Variants in CYP46A1 observed in about 807,000 individuals in gnomAD.
CYP46A1 encodes the protein cytochrome P450 family 46 subfamily A member 1.
Under a neutral mutation model 63.3 loss-of-function variants are expected in CYP46A1, and 20 were observed. The observed-to-expected ratio is 0.32, with a 90% CI of 0.22 to 0.46. CYP46A1 has a LOEUF of 0.46. CYP46A1 is among the 20% of genes least tolerant of loss of function. The pLI, the probability that CYP46A1 is intolerant of heterozygous loss-of-function variation, is 1.00. For missense variants in CYP46A1, 445 were observed against 670.8 expected, an observed-to-expected ratio of 0.66 and a Z score of 3.72; for synonymous variants, 268 against 273.6, an observed-to-expected ratio of 0.98 and a Z score of 0.20.
chr14:99,721,811 C>T, intron 11 of CYP46A1, 145 bp from the exon 12 acceptor site: 1 of 590,644 alleles, frequency 1.7e-6, no homozygotes, highest in Non-Finnish European at 3.0e-6. Context: ...AGGCTGATGT[C>T]CCAGGGGCCT....
intron 1 of CYP46A1, among the ~76,000 whole-genome samples, chr14:99,689,793 A>G (rs2056527791): frequency 6.6e-6 from 1 of 152,022 alleles, no homozygotes; most frequent in South Asian, 2.1e-4. Flanking sequence ...CCCTGTCACT[A>G]GTGTCCCTGC....
chr14:99,702,683 T>A (rs1167641901), intron 5 of CYP46A1, among the ~76,000 whole-genome samples: 1 of 152,098 alleles, frequency 6.6e-6, no homozygotes, highest in East Asian at 1.9e-4. Flanking sequence ...TATTTATCAC[T>A]GTGTGTATAT....
chr14:99,706,851 CCTCTTCCCTTCT>C (rs1426400275), intron 6 of CYP46A1, 66 bp downstream of exon 6: 52 of 1,552,072 alleles, frequency 3.4e-5, no homozygotes, highest in Non-Finnish European at 4.3e-5. Context: ...CTCTTCTCTC[CCTCTTCCCTTCT>C]CTCTTCCCCT....
chr14:99,704,418 G>T (rs975436563), intron 5 of CYP46A1, among the ~76,000 whole-genome samples: 5 of 152,158 alleles, frequency 3.3e-5, no homozygotes, highest in African/African-American at 1.2e-4. Flanking sequence ...GAAAAAATAG[G>T]AACCACTGAT....
At position 99,705,841 on chromosome 14, in the gene CYP46A1, C is replaced by T. The variant is rs2056671406; in HGVS notation, c.444-806C>T. On this transcript the variant is annotated intron_variant, in intron 5 of 14. Coordinates refer to ENST00000261835, the MANE Select transcript of CYP46A1 (RefSeq NM_006668.2). ...TCGGGAGCCTGAGACAGAAAAATTG[C>T]TTGAACCCAGGAGGCAGAGGTTGCA... Among the ~76,000 whole-genome samples, 3 of 152,204 alleles carry T rather than the reference C, an allele frequency of 2.0e-5. No homozygotes were observed. The South Asian group carries it at 6.2e-4, about 31-fold the overall frequency.
chr14:99,714,936 G>A (rs564126927), intron 7 of CYP46A1, among the ~76,000 whole-genome samples: 20 of 152,208 alleles, frequency 1.3e-4, no homozygotes, highest in African/African-American at 4.3e-4. Flanking sequence ...TCCCACATAC[G>A]TGGGAGCTAA....
chr14:99,718,921 C>T (rs76773229), intron 10 of CYP46A1, among the ~76,000 whole-genome samples: 3,142 of 151,926 alleles, frequency 0.021, 55 homozygotes, highest in African/African-American at 0.042. Flanking sequence ...CCACCCATGG[C>T]ACCCCACCCA....
At chr14:99,686,928 T>A (rs1298578129) in intron 1 of CYP46A1, among the ~76,000 whole-genome samples, 1 of 152,232 alleles carries the variant, frequency 6.6e-6, no homozygotes, top group African/African-American at 2.4e-5. Context: ...AGAAACCCGA[T>A]GCCTTGACAT....
chr14:99,692,406 G>T (rs981045330), intron 3 of CYP46A1, among the ~76,000 whole-genome samples: 2 of 152,150 alleles, frequency 1.3e-5, no homozygotes, highest in African/African-American at 4.8e-5. Flanking sequence ...GGGCATGGTG[G>T]CAGGCACCTG....
intron 7 of CYP46A1, chr14:99,708,938 C>G (rs12434024): frequency 0.15 from 22,991 of 152,194 alleles, 1,723 homozygotes; most frequent in Middle Eastern, 0.18. Context: ...CACTGAGAAA[C>G]TCAGAGATAC....
In CYP46A1 at chr14:99,726,605, C is replaced by T. The variant is rs148881618; in HGVS notation, c.1381C>T (p.Arg461Trp). Reference sequence around the variant, plus strand: ...AAAGCTGCTGCAGAGGCTGGAGTTCCGGCTGGTGCCCGGGCAGCGCTTCGG... The same window carrying T: ...AAAGCTGCTGCAGAGGCTGGAGTTCTGGCTGGTGCCCGGGCAGCGCTTCGG... ...MAKLLQRLEFRLVPGQRFGLQ... is the reference protein window; with the variant it reads ...MAKLLQRLEFWLVPGQRFGLQ... Residue 461 changes from arginine (R) to tryptophan (W), a missense_variant, in exon 15 of 15, where the codon CGG (arginine) becomes TGG (tryptophan). Around this residue, in one of 4 missense-constraint regions of CYP46A1, gnomAD observed 85 missense variants for 80.1 expected, o/e 1.06. Coordinates refer to ENST00000261835, the MANE Select transcript of CYP46A1 (RefSeq NM_006668.2). The T allele has an allele frequency of 5.2e-5, 83 of 1,585,044 alleles. No individual in the cohort carries two copies. The highest frequency in any genetic ancestry group is 2.2e-4 in the Admixed American group (12 of 55,498).
At chr14:99,711,585 A>C (rs1016540308) in intron 7 of CYP46A1, 7 of 152,122 alleles carry the variant, frequency 4.6e-5, no homozygotes, top group African/African-American at 9.6e-5. Context: ...CAAAGAAGAA[A>C]TAGAAAACCT....
intron 2 of CYP46A1, chr14:99,691,456 A>G: frequency 1.8e-6 from 1 of 569,938 alleles, no homozygotes; most frequent in South Asian, 2.3e-5. Context: ...TTGGTGTGTC[A>G]CTTTTTTACA....
intron 5 of CYP46A1, among the ~76,000 whole-genome samples, chr14:99,704,641 T>C (rs1424288832): frequency 6.6e-6 from 1 of 152,240 alleles, no homozygotes; most frequent in Non-Finnish European, 1.5e-5. Flanking sequence ...AGTGTTTGTA[T>C]GATAACCGGC....
chr14:99,684,542 C>A lies in CYP46A1; in HGVS notation c.119+6C>A. 1 of 1,455,812 alleles carries A rather than the reference C, an allele frequency of 6.9e-7. No homozygotes were observed. The highest frequency in any genetic ancestry group is 9.0e-7 in the Non-Finnish European group (1 of 1,107,630). 90.2% of individuals were successfully genotyped at this position (1,455,812 alleles called of 1,614,324 possible). On this transcript the variant is annotated splice_donor_region_variant and intron_variant, in intron 1 of 14. Coordinates refer to ENST00000261835, the MANE Select transcript of CYP46A1 (RefSeq NM_006668.2). The stretch of plus-strand genomic sequence containing the variant: ...CCCGGGCCGCCGCGGCCCAGGTGAG[C>A]GGGGCTGGGGGCGGGGCCTGGCTGG...
intron 6 of CYP46A1, among the ~76,000 whole-genome samples, chr14:99,707,364 T>C (rs2056686980): frequency 6.6e-6 from 1 of 152,224 alleles, no homozygotes; most frequent in Non-Finnish European, 1.5e-5. Context: ...GCCAAGTTTA[T>C]TGAGTAGCTA....
chr14:99,713,803 T>C (rs28748133), intron 7 of CYP46A1, among the ~76,000 whole-genome samples: 43,738 of 145,596 alleles, frequency 0.3, 6,594 homozygotes, highest in South Asian at 0.37. Context: ...GAGGCAGAGG[T>C]TGCAGTGAGC....
At position 99,691,807 on chromosome 14, in the gene CYP46A1, G is replaced by A. The variant is rs1056712698; in HGVS notation, c.228G>A (p.Arg76=). The part of the protein sequence containing the change: ...DWAKKYGPVV[R]VNVFHKTSVI... ...CTAAGAAGTATGGACCTGTTGTGCG[G>A]GTCAACGTCTTCCACAAAACCTCAG... is the stretch of plus-strand genomic sequence containing the variant. The change falls in exon 3 of 15, where the codon CGG becomes CGA. Residue 76 remains arginine (R), a synonymous_variant. Transcript: ENST00000261835. 6.8e-6 allele frequency: 11 copies of A among 1,614,054 alleles called. No homozygotes were observed. The African/African-American group carries it at 1.3e-4, about 20-fold the overall frequency.
At chr14:99,687,524 C>T (rs1247202450) in intron 1 of CYP46A1, among the ~76,000 whole-genome samples, 1 of 152,150 alleles carries the variant, frequency 6.6e-6, no homozygotes, top group Non-Finnish European at 1.5e-5. Flanking sequence ...CCACCCTGCC[C>T]CTCTGGCATG....
Sources: gnomAD v4.1 joint callset for allele counts (sites outside exome capture counted in the v4.1 genomes callset) on GRCh38, gnomAD v4.1.1 for gene constraint, gnomAD v4.1.1 regional missense constraint, MANE v1.5 for transcripts, NCBI Gene and HGNC (gene_info 2026-07-23, HGNC 2026-07-21) for gene names.